The following HTR1E variants were observed in gnomAD, a reference collection of about 807,000 sequenced individuals.
HTR1E encodes the protein 5-HT-1E.
A neutral mutation model predicts 3.4 loss-of-function variants in HTR1E; 3 were observed. That is an observed-to-expected ratio of 0.89 (90% confidence interval 0.41 to 2.31). The LOEUF is 2.31. HTR1E is among the 30% of genes most tolerant of loss of function. The pLI is 0.05. For missense variants in HTR1E, 392 were observed against 467.0 expected (o/e 0.84, Z 1.48); for synonymous variants, 170 against 182.8 (o/e 0.93, Z 0.56).
At chr6:87,014,177 T>G (rs1484759811) in intron 1 of HTR1E, among the ~76,000 whole-genome samples, 1 of 151,610 alleles carries the variant, frequency 6.6e-6, no homozygotes, top group Non-Finnish European at 1.5e-5. Context: ...AGTTAAAGGA[T>G]GCAGCAAACC....
At chr6:86,951,722 A>G (rs1767243368) in intron 1 of HTR1E, among the ~76,000 whole-genome samples, 1 of 152,240 alleles carries the variant, frequency 6.6e-6, no homozygotes, top group Non-Finnish European at 1.5e-5. Flanking sequence ...TCGAAACTTA[A>G]TTCACTAAAA....
At chr6:87,010,146 G>A (rs1252593919) in intron 1 of HTR1E, among the ~76,000 whole-genome samples, 4 of 112,472 alleles carry the variant, frequency 3.6e-5, no homozygotes, top group Admixed American at 8.8e-5. Context: ...GGGCAGAGGC[G>A]CCCCTCACCT....
Position 87,010,632 on chromosome 6 carries a change from C to T in HTR1E, c.-185-4518C>T, listed in dbSNP as rs1403075006. Among the ~76,000 whole-genome samples the T allele has an allele frequency of 2.7e-5, 4 of 145,894 alleles. No individual in the cohort carries two copies. In the East Asian group the frequency reaches 6.2e-4, roughly 23 times the overall value. On this transcript the variant is annotated intron_variant, in intron 1 of 1. Coordinates refer to ENST00000305344, the MANE Select transcript of HTR1E (RefSeq NM_000865.3). ...GCTCCTCACTTCCTAGATGGGATGG[C>T]GGCCGGGCGGAGACGCTCCTCACTT...
chr6:86,950,564 A>G (rs1428730637), intron 1 of HTR1E, among the ~76,000 whole-genome samples: 1 of 152,254 alleles, frequency 6.6e-6, no homozygotes, highest in African/African-American at 2.4e-5. Context: ...GAATAATATC[A>G]TGTAATGATA....
At chr6:86,950,779 G>T (rs189817972) in intron 1 of HTR1E, among the ~76,000 whole-genome samples, 1 of 152,046 alleles carries the variant, frequency 6.6e-6, no homozygotes, top group African/African-American at 2.4e-5. Context: ...GAGTAAATTG[G>T]ACCAAATTCT....
chr6:86,953,318 T>A (rs73753613), intron 1 of HTR1E, among the ~76,000 whole-genome samples: 291 of 152,286 alleles, frequency 1.9e-3, no homozygotes, highest in African/African-American at 6.7e-3. Flanking sequence ...TTAAGTCAGT[T>A]TTGGAGATTA....
rs754605700 is a variant in HTR1E at position 87,016,166 on chromosome 6, C to T, written c.832C>T (p.Arg278Cys). Residue 278 changes from arginine to cysteine, a missense_variant, in exon 2 of 2, where the codon CGT (arginine) becomes TGT (cysteine). Physicochemically the swap from Arg to Cys is radical, Grantham distance 180. This residue lies in a region of HTR1E where 178 missense variants were observed against 164.9 expected (regional missense o/e 1.08). Coordinates refer to ENST00000305344, the MANE Select transcript of HTR1E (RefSeq NM_000865.3). ...FDNDLDHPGE[R>C]QQISSTRERK... The stretch of plus-strand genomic sequence containing the variant: ...CAATGATCTAGATCACCCAGGAGAA[C>T]GTCAGCAGATCTCTAGCACCAGGGA... The T allele has an allele frequency of 2.1e-5, 34 of 1,614,036 alleles. No individual in the cohort carries two copies. The highest frequency in any genetic ancestry group is 1.6e-4 in the Middle Eastern group (1 of 6,084).
At chr6:86,941,752 A>C (rs1362432690) in intron 1 of HTR1E, among the ~76,000 whole-genome samples, 1 of 152,148 alleles carries the variant, frequency 6.6e-6, no homozygotes, top group Non-Finnish European at 1.5e-5. Flanking sequence ...ATATTTTGAG[A>C]AATAGCTACC....
At chr6:86,985,273 C>G (rs561120907) in intron 1 of HTR1E, among the ~76,000 whole-genome samples, 2 of 150,716 alleles carry the variant, frequency 1.3e-5, no homozygotes, top group Admixed American at 6.6e-5. Context: ...AAACTAGAGA[C>G]AGAAAAAAAA....
chr6:86,939,562 G>C (rs898206409), intron 1 of HTR1E, among the ~76,000 whole-genome samples: 1 of 152,154 alleles, frequency 6.6e-6, no homozygotes, highest in Admixed American at 6.5e-5. Context: ...CCATGACTCT[G>C]GTCATTAGGT....
At chr6:86,954,194 G>A (rs1040013775) in intron 1 of HTR1E, among the ~76,000 whole-genome samples, 2 of 152,162 alleles carry the variant, frequency 1.3e-5, no homozygotes, top group Admixed American at 6.5e-5. Context: ...GACACCACAA[G>A]GGGCTAGAAC....
chr6:86,968,857 T>C (rs531427998), intron 1 of HTR1E, among the ~76,000 whole-genome samples: 15 of 149,024 alleles, frequency 1.0e-4, no homozygotes, highest in Non-Finnish European at 2.1e-4. Context: ...TTCATGTTCA[T>C]AAACATCTCT....
At chr6:86,973,809 C>G (rs767888468) in intron 1 of HTR1E, among the ~76,000 whole-genome samples, 1 of 152,226 alleles carries the variant, frequency 6.6e-6, no homozygotes, top group Non-Finnish European at 1.5e-5. Flanking sequence ...AGGCAGCCAA[C>G]AGCAGATCTC....
At chr6:87,007,361 G>C (rs4707339) in intron 1 of HTR1E, among the ~76,000 whole-genome samples, 13,891 of 152,136 alleles carry the variant, frequency 0.091, 887 homozygotes, top group East Asian at 0.27. Context: ...AATGGGGATG[G>C]TTAATGGGTA....
At chr6:86,957,782 A>T (rs1425026534) in intron 1 of HTR1E, among the ~76,000 whole-genome samples, 1 of 152,216 alleles carries the variant, frequency 6.6e-6, no homozygotes, top group Non-Finnish European at 1.5e-5. Flanking sequence ...ATGGAAAAAA[A>T]GGGCACAGTA....
At position 87,015,583 on chromosome 6, in the gene HTR1E, T is replaced by C; in HGVS notation, c.249T>C (p.Ile83=). Reference sequence around the variant, plus strand: ...TCATGCCCCTGAGCATCATCTACATTGTCATGGATCGCTGGAAGCTTGGGT... The same window carrying C: ...TCATGCCCCTGAGCATCATCTACATCGTCATGGATCGCTGGAAGCTTGGGT... ...VLVMPLSIIY[I]VMDRWKLGYF... Residue 83 remains isoleucine, a synonymous_variant, in exon 2 of 2, where the codon ATT becomes ATC. Coordinates refer to ENST00000305344, the MANE Select transcript of HTR1E (RefSeq NM_000865.3). The C allele has an allele frequency of 6.2e-7, 1 of 1,613,884 alleles. No individual in the cohort carries two copies. The highest frequency in any genetic ancestry group is 8.5e-7 in the Non-Finnish European group (1 of 1,179,906).
chr6:87,009,055 AT>A (rs200180275), intron 1 of HTR1E, among the ~76,000 whole-genome samples: 5,500 of 141,746 alleles, frequency 0.039, 173 homozygotes, highest in East Asian at 0.15. Context: ...ACTTCTTTTT[AT>A]TTTTTTTTTT....
intron 1 of HTR1E, among the ~76,000 whole-genome samples, chr6:86,968,982 A>AT (rs901862450): frequency 2.0e-5 from 3 of 152,020 alleles, no homozygotes; most frequent in Admixed American, 1.3e-4. Flanking sequence ...ATCTAACTTT[A>AT]TTTTTTTAAT....
intron 1 of HTR1E, among the ~76,000 whole-genome samples, chr6:87,001,397 C>G (rs1768021734): frequency 6.6e-6 from 1 of 152,156 alleles, no homozygotes; most frequent in South Asian, 2.1e-4. Flanking sequence ...CAAGACCCAA[C>G]AATCTGGTGC....
Sources: allele counts gnomAD v4.1 joint callset (sites outside exome capture counted in the v4.1 genomes callset), GRCh38; gene constraint gnomAD v4.1.1; regional missense constraint gnomAD v4.1.1; transcripts MANE v1.5; gene names NCBI Gene and HGNC (gene_info 2026-07-23, HGNC 2026-07-21).